ROBO2: variants seen among roughly 807,000 people sequenced by gnomAD.
ROBO2 encodes roundabout homolog 2.
Under a neutral mutation model 160.8 loss-of-function variants are expected in ROBO2, and 53 were observed. The observed-to-expected ratio is 0.33, with a 90% confidence interval of 0.26 to 0.41. The LOEUF (loss-of-function observed/expected upper bound fraction) is 0.41, where lower values mean the gene tolerates loss of function less well. Ranked by LOEUF, ROBO2 falls within the 10% of genes least tolerant of loss-of-function variation. The pLI, the probability that ROBO2 is intolerant of heterozygous loss-of-function variation, is 1.00. For missense variants in ROBO2, 1,577 were observed against 1,722.4 expected (o/e 0.92, Z 1.49); for synonymous variants, 664 against 611.7 (o/e 1.09, Z -1.26).
At chr3:75,928,859 GACGTGT>G (rs1425870572) in intron 1 of ROBO2, among the ~76,000 whole-genome samples, 3 of 115,390 alleles carry the variant, frequency 2.6e-5, no homozygotes, top group Admixed American at 9.6e-5. Context: ...AGCTGGATAA[GACGTGT>G]GTGTGTGTGT....
intron 2 of ROBO2, among the ~76,000 whole-genome samples, chr3:76,379,976 T>C (rs1449520009): frequency 6.6e-6 from 1 of 152,186 alleles, no homozygotes. Flanking sequence ...GTGACTTGCT[T>C]GATTCTTATT....
chr3:77,060,894 A>T (rs138063263), intron 1 of ROBO2, among the ~76,000 whole-genome samples: 3 of 152,246 alleles, frequency 2.0e-5, no homozygotes, highest in African/African-American at 7.2e-5. Flanking sequence ...TCTAGCAGAG[A>T]TAATACAAAC....
chr3:76,153,462 TG>T (rs2072284859), intron 2 of ROBO2, among the ~76,000 whole-genome samples: 1 of 152,186 alleles, frequency 6.6e-6, no homozygotes, highest in Non-Finnish European at 1.5e-5. Context: ...GTTGTATTGG[TG>T]GTTTTGTTTT....
At chr3:76,671,590 T>A (rs901196739) in intron 2 of ROBO2, among the ~76,000 whole-genome samples, 1 of 152,154 alleles carries the variant, frequency 6.6e-6, no homozygotes, top group Admixed American at 6.6e-5. Flanking sequence ...ACATATAATG[T>A]TTCCTTGCTT....
intron 2 of ROBO2, among the ~76,000 whole-genome samples, chr3:76,225,967 A>G (rs1440627563): frequency 2.0e-5 from 3 of 152,190 alleles, no homozygotes; most frequent in African/African-American, 7.2e-5. Flanking sequence ...CAAATCTTAA[A>G]AATTGTTCAA....
intron 2 of ROBO2, among the ~76,000 whole-genome samples, chr3:76,691,118 GA>G (rs1419933263): frequency 2.0e-5 from 3 of 152,084 alleles, no homozygotes; most frequent in Non-Finnish European, 2.9e-5. Flanking sequence ...ATTAGATCAT[GA>G]GGGGTCTGCC....
intron 2 of ROBO2, among the ~76,000 whole-genome samples, chr3:76,424,700 A>G (rs1198938436): frequency 6.6e-6 from 1 of 152,190 alleles, no homozygotes; most frequent in Non-Finnish European, 1.5e-5. Flanking sequence ...ATGGGAGGAC[A>G]TCTTTGGAGT....
At chr3:77,456,448 A>C (rs1207642249) in intron 2 of ROBO2, among the ~76,000 whole-genome samples, 1 of 152,222 alleles carries the variant, frequency 6.6e-6, no homozygotes, top group Admixed American at 6.5e-5. Context: ...ATGATGTTTT[A>C]ATAAAAGCTA....
intron 2 of ROBO2, among the ~76,000 whole-genome samples, chr3:77,270,597 G>T (rs1158040496): frequency 6.6e-6 from 1 of 151,900 alleles, no homozygotes; most frequent in Non-Finnish European, 1.5e-5. Flanking sequence ...AGTTACTTAG[G>T]ATTGAAATGG....
At chr3:77,501,694 TA>T (rs769367193) in intron 5 of ROBO2, among the ~76,000 whole-genome samples, 27 of 152,076 alleles carry the variant, frequency 1.8e-4, no homozygotes, top group Admixed American at 3.3e-4. Flanking sequence ...ATCACGGCAA[TA>T]TTTTTTTTCA....
At chr3:76,021,632 C>A (rs937368754) in intron 2 of ROBO2, among the ~76,000 whole-genome samples, 2 of 151,814 alleles carry the variant, frequency 1.3e-5, no homozygotes, top group African/African-American at 4.8e-5. Flanking sequence ...TAAAAAAGTT[C>A]ATGTTTACAT....
At position 76,987,948 on chromosome 3, in the gene ROBO2, A is replaced by T. The variant is rs2060474009; in HGVS notation, c.110-110066A>T. Among the ~76,000 whole-genome samples the T allele has an allele frequency of 2.0e-5, 3 of 152,180 alleles. No homozygotes were observed. The South Asian group carries it at 6.2e-4, about 32-fold the overall frequency. ...ATTTAAAATTAAGTGATATTAAAAT[A>T]ATCTATAAAGATCATTTGTCATGAT... is the stretch of plus-strand genomic sequence containing the variant. On this transcript the variant is annotated intron_variant, in intron 2 of 26. Coordinates refer to the ROBO2 transcript ENST00000487694.
intron 2 of ROBO2, among the ~76,000 whole-genome samples, chr3:76,503,997 C>T (rs1226648115): frequency 1.3e-5 from 2 of 152,184 alleles, no homozygotes; most frequent in African/African-American, 4.8e-5. Flanking sequence ...CTCAGATTTG[C>T]TCTTTCTCGT....
intron 1 of ROBO2, among the ~76,000 whole-genome samples, chr3:75,925,128 C>T (rs1262968733): frequency 6.6e-6 from 1 of 152,020 alleles, no homozygotes; most frequent in Non-Finnish European, 1.5e-5. Context: ...CACGATGGCT[C>T]ATTCATGTCA....
At chr3:77,513,679 A>G (rs1263821544) in intron 5 of ROBO2, among the ~76,000 whole-genome samples, 1 of 151,790 alleles carries the variant, frequency 6.6e-6, no homozygotes, top group Non-Finnish European at 1.5e-5. Flanking sequence ...ACAGATGGTA[A>G]TGATTTTGAC....
At chr3:77,124,399 G>A (rs539018904) in intron 2 of ROBO2, among the ~76,000 whole-genome samples, 1 of 152,268 alleles carries the variant, frequency 6.6e-6, no homozygotes, top group Admixed American at 6.5e-5. Context: ...TGTGATAGGA[G>A]TAGAGTTTAT....
At chr3:77,615,736 A>G (rs2094759436) in intron 21 of ROBO2, among the ~76,000 whole-genome samples, 1 of 152,160 alleles carries the variant, frequency 6.6e-6, no homozygotes, top group Non-Finnish European at 1.5e-5. Flanking sequence ...CCATCTACCT[A>G]CTGGGAGACA....
chr3:77,545,229 T>G (rs1428350937), intron 6 of ROBO2, among the ~76,000 whole-genome samples: 5 of 152,106 alleles, frequency 3.3e-5, no homozygotes, highest in Non-Finnish European at 7.4e-5. Context: ...GTTTGACTTC[T>G]GAAACCCTCC....
At chr3:76,261,606 T>C (rs72630387) in intron 2 of ROBO2, among the ~76,000 whole-genome samples, 20,693 of 152,048 alleles carry the variant, frequency 0.14, 2,212 homozygotes, top group East Asian at 0.41. Context: ...CATATGTAAA[T>C]TAAATTAATG....
Sources: allele counts gnomAD v4.1 joint callset (sites outside exome capture counted in the v4.1 genomes callset), GRCh38; gene constraint gnomAD v4.1.1; transcripts MANE v1.5; gene names NCBI Gene and HGNC (gene_info 2026-07-23, HGNC 2026-07-21).